DCP2: variants seen among roughly 807,000 people sequenced by gnomAD.
The protein encoded by DCP2 is m7GpppN-mRNA hydrolase.
A neutral mutation model predicts 56.1 loss-of-function variants in DCP2; 30 were observed. The ratio of observed to expected loss-of-function variants is 0.53; its 90% CI spans 0.40 to 0.73. The LOEUF (loss-of-function observed/expected upper bound fraction) is 0.73, where lower values mean the gene tolerates loss of function less well. DCP2 is among the 30% of genes least tolerant of loss of function. The probability of loss-of-function intolerance (pLI) is 0.00; values close to 1 mark genes in which losing one functional copy is unlikely to be tolerated. For synonymous variants in DCP2, 197 were observed against 163.3 expected (o/e 1.21, Z -1.57); for missense variants, 533 against 502.7 (o/e 1.06, Z -0.58).
intron 2 of DCP2, among the ~76,000 whole-genome samples, chr5:112,989,142 G>T (rs1026245668): frequency 1.3e-5 from 2 of 152,174 alleles, no homozygotes; most frequent in Non-Finnish European, 2.9e-5. Flanking sequence ...TTACAGTGCA[G>T]TGTGGTAGGA....
chr5:112,985,726 C>G, intron 1 of DCP2, 109 bp from the exon 2 acceptor site: 1 of 1,276,838 alleles, frequency 7.8e-7, no homozygotes, highest in South Asian at 1.4e-5. Context: ...CAGTACTGCT[C>G]TTGGTCCCTT....
chr5:112,996,702 T>C (rs1748871383), intron 4 of DCP2, among the ~76,000 whole-genome samples: 2 of 152,222 alleles, frequency 1.3e-5, no homozygotes, highest in East Asian at 3.8e-4. Flanking sequence ...CAGACCTCTT[T>C]TTAGCAGACC....
In DCP2 at chr5:113,020,910, GATTGTTTGTA is replaced by G. The variant is rs1384829827; in HGVS notation, c.*7429_*7438del. The stretch of plus-strand genomic sequence containing the variant: ...TTTCTGTAAAAACATCATTGTGTTA[GATTGTTTGTA>G]ATGTACTATCAATAAAATTGGCTGC... On this transcript the variant is annotated 3_prime_UTR_variant, in exon 11 of 11. Coordinates refer to ENST00000389063, the MANE Select transcript of DCP2 (RefSeq NM_152624.6). The G allele has an allele frequency of 1.3e-5, 2 of 152,202 alleles. No individual in the cohort carries two copies. Among genetic ancestry groups the G allele is most frequent in the Non-Finnish European group, 2.9e-5 (2 of 68,032 alleles). 9.4% of individuals were successfully genotyped at this position (152,202 alleles called of 1,614,324 possible).
At chr5:113,005,525 G>A (rs562277255) in intron 8 of DCP2, among the ~76,000 whole-genome samples, 1 of 152,196 alleles carries the variant, frequency 6.6e-6, no homozygotes, top group East Asian at 1.9e-4. Flanking sequence ...TGAGGATGTG[G>A]AGAAACTGGA....
chr5:112,998,733 C>G (rs1263214301), intron 4 of DCP2, among the ~76,000 whole-genome samples: 3 of 152,174 alleles, frequency 2.0e-5, no homozygotes, highest in Non-Finnish European at 4.4e-5. Context: ...ATATTACTTT[C>G]GATAAATGTG....
At chr5:113,000,199 C>T (rs1046578205) in intron 4 of DCP2, among the ~76,000 whole-genome samples, 19 of 152,168 alleles carry the variant, frequency 1.2e-4, no homozygotes, top group Admixed American at 1.1e-3. Context: ...CTCAAGTGAT[C>T]CTCCCTCTTT....
At chr5:112,982,520 A>G (rs1335625573) in intron 1 of DCP2, among the ~76,000 whole-genome samples, 1 of 152,198 alleles carries the variant, frequency 6.6e-6, no homozygotes, top group East Asian at 1.9e-4. Flanking sequence ...GAGTCCTTTA[A>G]TGTGTAAAAT....
At chr5:112,984,722 A>ATATATATATATT (rs1328543744) in intron 1 of DCP2, 2 of 134,320 alleles carry the variant, frequency 1.5e-5, no homozygotes, top group African/African-American at 3.0e-5. Flanking sequence ...ATATATATAT[A>ATATATATATATT]TATTTGAGAC....
chr5:112,985,715 A>G (rs978374441), intron 1 of DCP2, 120 bp from the exon 2 acceptor site: 2 of 1,101,508 alleles, frequency 1.8e-6, no homozygotes, highest in Non-Finnish European at 2.6e-6. Flanking sequence ...GCTTCCTTGA[A>G]CAGTACTGCT....
At chr5:112,984,700 AAAAAT>A (rs1748174157) in intron 1 of DCP2, 3 of 107,976 alleles carry the variant, frequency 2.8e-5, no homozygotes, top group South Asian at 5.6e-4. Flanking sequence ...AAAAAAAAAA[AAAAAT>A]ATATATATAT....
At chr5:113,005,809 A>G (rs181950450) in intron 8 of DCP2, among the ~76,000 whole-genome samples, 380 of 152,358 alleles carry the variant, frequency 2.5e-3, no homozygotes, top group Admixed American at 4.0e-3. Flanking sequence ...ATAATGGAAT[A>G]TCATTCAGCT....
At chr5:113,010,369 T>C (rs1372260837) in intron 9 of DCP2, among the ~76,000 whole-genome samples, 1 of 152,094 alleles carries the variant, frequency 6.6e-6, no homozygotes, top group Non-Finnish European at 1.5e-5. Context: ...TAGTTAGCCC[T>C]GGCTGATTTT....
chr5:113,003,221 A>T (rs1419088804), intron 7 of DCP2, among the ~76,000 whole-genome samples: 2 of 152,224 alleles, frequency 1.3e-5, no homozygotes, highest in African/African-American at 4.8e-5. Context: ...TGCTGGGAGT[A>T]TAGGTGTGAG....
chr5:113,008,817 A>C (rs1232805267), intron 9 of DCP2, among the ~76,000 whole-genome samples: 1 of 151,984 alleles, frequency 6.6e-6, no homozygotes, highest in Non-Finnish European at 1.5e-5. Context: ...ATAAAATTCA[A>C]CAGCTGTTTT....
chr5:112,992,650 TTTAC>T lies in DCP2; in HGVS notation c.334-19_334-16del, dbSNP rs1748647396. 6.5e-7 allele frequency: 1 copy of T among 1,541,374 alleles called. No individual in the cohort carries two copies. The highest frequency in any genetic ancestry group is 1.2e-5 in the South Asian group (1 of 82,414). ...ATGGAAAAGGAGGGCAAGTTTGATT[TTTAC>T]TTCTGCTTGTTTTGTAGGTACTACT... On this transcript the variant is annotated intron_variant, in intron 3 of 10. Coordinates refer to ENST00000389063, the MANE Select transcript of DCP2 (RefSeq NM_152624.6).
rs369825593 is a variant in DCP2 at position 112,992,177 on chromosome 5, G to C, written c.262G>C (p.Asp88His). ...AGGTGAAGATGTGGAAAAAGTTTTG[G>C]ATGAATGGAAGGAATATAAAATGGG... ...PQGEDVEKVL[D>H]EWKEYKMGVP... The change falls in exon 3 of 11, where the codon GAT (aspartate) becomes CAT (histidine). Residue 88 changes from aspartate to histidine, a missense_variant. This residue lies in a region of DCP2 where 137 missense variants were observed against 138.2 expected (regional missense o/e 0.99). Coordinates refer to ENST00000389063, the MANE Select transcript of DCP2 (RefSeq NM_152624.6). The C allele has an allele frequency of 5.6e-6, 9 of 1,614,036 alleles. No individual in the cohort carries two copies. The Admixed American group carries it at 1.5e-4, about 27-fold the overall frequency.
rs1749883641 is a variant in DCP2, at chr5:113,016,312, C to T, written c.*2828C>T. 1 of 152,524 alleles carries T rather than the reference C, an allele frequency of 6.6e-6. No homozygotes were observed. Among genetic ancestry groups the T allele is most frequent in the Non-Finnish European group, 1.5e-5 (1 of 68,020 alleles). The allele number at this position is 152,524 out of a possible 1,614,324, so 9.4% of individuals were successfully genotyped here. On this transcript the variant is annotated 3_prime_UTR_variant, in exon 11 of 11. Transcript: ENST00000389063. ...AGAGGCCTGAGAACCTAATAGAACT[C>T]ATATAGTGTGAGTGAAATTTGATTA...
chr5:112,980,218 G>A (rs1008152528), intron 1 of DCP2, among the ~76,000 whole-genome samples: 1 of 152,178 alleles, frequency 6.6e-6, no homozygotes, highest in African/African-American at 2.4e-5. Flanking sequence ...AAACTGAAAA[G>A]TTGGTTGATT....
chr5:112,979,096 G>T (rs1305783849), intron 1 of DCP2, among the ~76,000 whole-genome samples: 1 of 151,422 alleles, frequency 6.6e-6, no homozygotes, highest in Non-Finnish European at 1.5e-5. Context: ...CACCTGTCAA[G>T]TGTTAAAGAT....
Sources: gnomAD v4.1 joint callset for allele counts (sites outside exome capture counted in the v4.1 genomes callset) on GRCh38, gnomAD v4.1.1 for gene constraint, gnomAD v4.1.1 regional missense constraint, MANE v1.5 for transcripts, NCBI Gene and HGNC (gene_info 2026-07-23, HGNC 2026-07-21) for gene names.